SCGB1C1: variants seen among roughly 807,000 people sequenced by gnomAD.
SCGB1C1 encodes secretoglobin family 1C member 1, also known as ligand binding protein RYD5.
In SCGB1C1, 2 loss-of-function variants were observed where a neutral mutation model predicts 8.9. The observed-to-expected ratio is 0.23, with a 90% CI of 0.09 to 0.71. The LOEUF is 0.71. Ranked by LOEUF, SCGB1C1 falls within the 30% of genes least tolerant of loss-of-function variation. The pLI is 0.78. For missense variants in SCGB1C1, 25 were observed against 112.7 expected (o/e 0.22, Z 3.52); for synonymous variants, 6 against 45.8 (o/e 0.13, Z 3.51).
rs369641859 is a variant in SCGB1C1, at chr11:194,414, C to T, written c.256-4C>T. On this transcript the variant is annotated splice_region_variant and splice_polypyrimidine_tract_variant and intron_variant, in intron 2 of 2. Coordinates refer to ENST00000342878, the MANE Select transcript of SCGB1C1 (RefSeq NM_145651.3). The stretch of plus-strand genomic sequence containing the variant: ...CTCTTAGTCCACATGTGTCTGCCTT[C>T]CAGGTGCAAGTGCTGGGCAGTCAGG... 15 of 824,778 alleles carry T rather than the reference C, an allele frequency of 1.8e-5. No homozygotes were observed. Among genetic ancestry groups the T allele is most frequent in the Non-Finnish European group, 3.0e-5 (15 of 493,242 alleles). The allele number at this position is 824,778 out of a possible 1,614,324, so 51.1% of individuals were successfully genotyped here. A position where few individuals can be genotyped will look rare whatever the true frequency, so the allele number is the denominator to read the frequency against.
chr11:191,808 TAACCCTA>T (rs1179408756), upstream of SCGB1C1, among the ~76,000 whole-genome samples: 1 of 135,840 alleles, frequency 7.4e-6, no homozygotes, highest in Non-Finnish European at 1.7e-5. Flanking sequence ...AACCTAACCC[TAACCCTA>T]ACCCCTAACC....
upstream of SCGB1C1, among the ~76,000 whole-genome samples, chr11:192,333 C>G (rs1251339334): frequency 1.4e-4 from 22 of 152,070 alleles, no homozygotes; most frequent in Non-Finnish European, 2.1e-4. Context: ...CTGGGACCAT[C>G]TCCCCCAGGG....
upstream of SCGB1C1, among the ~76,000 whole-genome samples, chr11:189,942 G>C: frequency 7.1e-6 from 1 of 139,936 alleles, no homozygotes; most frequent in Non-Finnish European, 1.5e-5. Context: ...CAGCACGCCC[G>C]CCTGCTGGCA....
intron 1 of SCGB1C1, among the ~76,000 whole-genome samples, 187 bp from the exon 2 acceptor site, chr11:193,525 G>A (rs534812411): frequency 2.7e-3 from 403 of 151,826 alleles, no homozygotes; most frequent in African/African-American, 9.1e-3. Flanking sequence ...AGATTAAGGG[G>A]GATGTGGAGG....
upstream of SCGB1C1, among the ~76,000 whole-genome samples, chr11:189,867 G>C (rs1854758732): frequency 6.6e-6 from 1 of 151,476 alleles, no homozygotes; most frequent in Non-Finnish European, 1.5e-5. Context: ...TCGCAATATA[G>C]TGGCGGCACG....
chr11:189,522 C>T (rs1854740346), upstream of SCGB1C1, among the ~76,000 whole-genome samples: 1 of 139,032 alleles, frequency 7.2e-6, no homozygotes, highest in African/African-American at 2.7e-5. Context: ...GGCGCAGGCG[C>T]AGAGACGCAC....
At chr11:189,514 C>T (rs11245986), upstream of SCGB1C1, among the ~76,000 whole-genome samples, 5,376 of 113,550 alleles carry the variant, frequency 0.047, 1 homozygote, top group East Asian at 0.13. Flanking sequence ...GGAGGCGCGG[C>T]GCAGGCGCAG....
At chr11:189,017 CAAAG>C (rs1854723957), upstream of SCGB1C1, among the ~76,000 whole-genome samples, 1 of 88,906 alleles carries the variant, frequency 1.1e-5, no homozygotes, top group Admixed American at 1.5e-4. Flanking sequence ...AATTTGCCCA[CAAAG>C]AATTTCCTTT....
upstream of SCGB1C1, among the ~76,000 whole-genome samples, chr11:191,986 A>G (rs541787294): frequency 6.6e-6 from 1 of 152,336 alleles, no homozygotes; most frequent in East Asian, 1.9e-4. Flanking sequence ...TGTAACTATA[A>G]TCTTCATCCC....
upstream of SCGB1C1, among the ~76,000 whole-genome samples, chr11:190,764 G>C (rs532212453): frequency 7.0e-6 from 1 of 142,232 alleles, no homozygotes. Context: ...CAGGCACACT[G>C]ACAGCGATCA....
Position 193,781 on chromosome 11 carries a change from C to G in SCGB1C1, c.125C>G (p.Pro42Arg), listed in dbSNP as rs746693522. 3 of 1,613,284 alleles carry G rather than the reference C, an allele frequency of 1.9e-6. No individual in the cohort carries two copies. In the South Asian group the frequency reaches 3.3e-5, roughly 18 times the overall value. ...DFLQTLLVGTPEELYEGTLGK... is the reference protein window; with the variant it reads ...DFLQTLLVGTREELYEGTLGK... ...CTGCAAACACTACTGGTGGGGACCC[C>G]AGAGGAGCTCTATGAGGGGACCTTG... The change falls in exon 2 of 3, where the codon CCA (proline) becomes CGA (arginine). Residue 42 changes from proline to arginine, a missense_variant. By Grantham distance (103) the Pro-to-Arg change is moderately radical. Transcript: ENST00000342878.
chr11:193,541 T>C (rs1324678959), intron 1 of SCGB1C1, among the ~76,000 whole-genome samples, 171 bp from the exon 2 acceptor site: 1 of 152,250 alleles, frequency 6.6e-6, no homozygotes, highest in East Asian at 1.9e-4. Context: ...GGAGGGGTCT[T>C]CGGGCAAGGT....
chr11:193,668 G>C lies in SCGB1C1; in HGVS notation c.56-44G>C, dbSNP rs1590063540. On this transcript the variant is annotated intron_variant, in intron 1 of 2. Coordinates refer to ENST00000342878, the MANE Select transcript of SCGB1C1 (RefSeq NM_145651.3). Reference sequence around the variant, plus strand: ...CAGGTCCAGGGCTGTGGTTGCACCAGAGTCACCCTGTCCTGTCCTGGCATC... The same window carrying C: ...CAGGTCCAGGGCTGTGGTTGCACCACAGTCACCCTGTCCTGTCCTGGCATC... The C allele has an allele frequency of 3.7e-6, 6 of 1,606,108 alleles. No homozygotes were observed. In the Admixed American group the frequency reaches 1.0e-4, roughly 27 times the overall value.
At chr11:189,965 G>C (rs1160615312), upstream of SCGB1C1, among the ~76,000 whole-genome samples, 8 of 147,590 alleles carry the variant, frequency 5.4e-5, no homozygotes, top group Non-Finnish European at 7.7e-5. Flanking sequence ...TGGGGACACT[G>C]CCAGGCCCTC....
At chr11:192,151 A>G (rs769762961), upstream of SCGB1C1, among the ~76,000 whole-genome samples, 9 of 149,332 alleles carry the variant, frequency 6.0e-5, no homozygotes, top group Middle Eastern at 3.4e-3. Flanking sequence ...CGTGTGGCCC[A>G]GGGCCATGTG....
At chr11:191,842 ACC>A (rs1356559026), upstream of SCGB1C1, among the ~76,000 whole-genome samples, 1 of 41,722 alleles carries the variant, frequency 2.4e-5, no homozygotes, top group African/African-American at 5.4e-5. Context: ...CCTAACCCTA[ACC>A]CTAACCCTAA....
chr11:191,746 C>T (rs1235053071), upstream of SCGB1C1, among the ~76,000 whole-genome samples: 1 of 152,304 alleles, frequency 6.6e-6, no homozygotes, highest in Non-Finnish European at 1.5e-5. Flanking sequence ...AACAAGAACT[C>T]TTTTCATTGC....
At chr11:193,652 G>A in intron 1 of SCGB1C1, 60 bp from the exon 2 acceptor site, 3 of 1,593,942 alleles carry the variant, frequency 1.9e-6, no homozygotes, top group South Asian at 1.1e-5. Flanking sequence ...GCAGGTCCAG[G>A]GCTGTGGTTG....
chr11:191,728 GA>G (rs1406375981), upstream of SCGB1C1, among the ~76,000 whole-genome samples: 2 of 152,290 alleles, frequency 1.3e-5, no homozygotes, highest in Non-Finnish European at 2.9e-5. Context: ...ACAAATTGCT[GA>G]AGGAAAAACA....
Sources: allele counts gnomAD v4.1 joint callset (sites outside exome capture counted in the v4.1 genomes callset), GRCh38; gene constraint gnomAD v4.1.1; transcripts MANE v1.5; gene names NCBI Gene and HGNC (gene_info 2026-07-23, HGNC 2026-07-21).